Variants in RIMBP2 observed in about 807,000 individuals in gnomAD.
RIMBP2 encodes RIMS binding protein 2, also known as RIMS-binding protein 2.
Under a neutral mutation model 118.6 loss-of-function variants are expected in RIMBP2, and 48 were observed. That is an observed-to-expected ratio of 0.40 (90% confidence interval 0.32 to 0.51). The LOEUF (loss-of-function observed/expected upper bound fraction) is 0.51. Among genes scored for constraint, RIMBP2 ranks in the 20% least tolerant of loss-of-function variants. The pLI is 0.41. For missense variants in RIMBP2, 1,551 were observed against 1,768.3 expected (o/e 0.88, Z 2.20); for synonymous variants, 762 against 742.9 (o/e 1.03, Z -0.42).
At chr12:130,695,225 CTCT>C in intron 1 of RIMBP2, among the ~76,000 whole-genome samples, 1 of 152,286 alleles carries the variant, frequency 6.6e-6, no homozygotes, top group East Asian at 1.9e-4. Context: ...CGCAGGGCCC[CTCT>C]TCTTCTGAGC....
chr12:130,505,175 A>G (rs563652685), intron 4 of RIMBP2, among the ~76,000 whole-genome samples: 51 of 152,306 alleles, frequency 3.3e-4, no homozygotes, highest in African/African-American at 1.1e-3. Flanking sequence ...CTTAGAGCAC[A>G]CAGTGAGAAG....
chr12:130,508,130 C>T (rs1566166654), intron 3 of RIMBP2, among the ~76,000 whole-genome samples: 1 of 152,172 alleles, frequency 6.6e-6, no homozygotes, highest in South Asian at 2.1e-4. Context: ...ACCACCCTCA[C>T]TTCTGAACCT....
intron 2 of RIMBP2, among the ~76,000 whole-genome samples, chr12:130,531,638 C>T (rs915061398): frequency 9.9e-5 from 15 of 152,162 alleles, no homozygotes; most frequent in Non-Finnish European, 2.1e-4. Context: ...TTCTTGAGCA[C>T]GTTTTCTTGG....
In RIMBP2 at chr12:130,622,403, T is replaced by C. The variant is rs570289875; in HGVS notation, c.-217+5919A>G. Among the ~76,000 whole-genome samples, 13 of 152,122 alleles carry C rather than the reference T, an allele frequency of 8.5e-5. No individual in the cohort carries two copies. The South Asian group carries it at 2.7e-3, about 31-fold the overall frequency. On this transcript the variant is annotated intron_variant, in intron 2 of 22. Coordinates refer to ENST00000690449, the MANE Select transcript of RIMBP2 (RefSeq NM_001393629.1). The surrounding 1 kb of genome is among the most constrained non-coding windows in gnomAD (Gnocchi z 8.5). ...AAGGAAACTACATATAACACAAAAC[T>C]GTTGGTTAATTCACTAGTTATTTTG...
chr12:130,695,954 C>A (rs1446878913), intron 1 of RIMBP2, among the ~76,000 whole-genome samples: 1 of 151,822 alleles, frequency 6.6e-6, no homozygotes, highest in South Asian at 2.1e-4. Context: ...AAAATGAAGA[C>A]CCCTGGAGGA....
chr12:130,622,121 C>T lies in RIMBP2; in HGVS notation c.-217+6201G>A, dbSNP rs764520725. Among the ~76,000 whole-genome samples, 13 of 152,258 alleles carry T rather than the reference C, an allele frequency of 8.5e-5. No individual in the cohort carries two copies. Among genetic ancestry groups the T allele is most frequent in the Non-Finnish European group, 1.3e-4 (9 of 68,028 alleles). On this transcript the variant is annotated intron_variant, in intron 2 of 22. Transcript: ENST00000690449. The surrounding 1 kb of genome is among the most constrained non-coding windows in gnomAD (Gnocchi z 8.5). ...CATTTCCGCACAAATAAAATTAGGCCGAGACAGTTAGTCTTGGGGTCCTGA... is the reference window on the plus strand; with the variant it reads ...CATTTCCGCACAAATAAAATTAGGCTGAGACAGTTAGTCTTGGGGTCCTGA...
intron 4 of RIMBP2, among the ~76,000 whole-genome samples, chr12:130,479,242 T>C (rs1281511208): frequency 6.6e-6 from 1 of 152,232 alleles, no homozygotes; most frequent in Non-Finnish European, 1.5e-5. Flanking sequence ...CCACTTCTCC[T>C]CTGCAGGTTC....
intron 18 of RIMBP2, among the ~76,000 whole-genome samples, 169 bp from the exon 19 acceptor site, chr12:130,412,956 T>C (rs578089497): frequency 1.3e-5 from 2 of 152,322 alleles, no homozygotes; most frequent in South Asian, 2.1e-4. Context: ...GATGTGTACA[T>C]GTAACCCTCG....
chr12:130,617,848 C>T lies in RIMBP2; in HGVS notation c.-217+10474G>A, dbSNP rs1044740303. ...AATCATTGGAAAACTTTGATTGCATCAGCTGATTTTCAGATTGCCAGGTCT... is the reference window on the plus strand; with the variant it reads ...AATCATTGGAAAACTTTGATTGCATTAGCTGATTTTCAGATTGCCAGGTCT... On this transcript the variant is annotated intron_variant, in intron 2 of 22. Coordinates refer to ENST00000690449, the MANE Select transcript of RIMBP2 (RefSeq NM_001393629.1). The surrounding 1 kb of genome is among the most constrained non-coding windows in gnomAD (Gnocchi z 4.6). Among the ~76,000 whole-genome samples, 1 of 152,170 alleles carries T rather than the reference C, an allele frequency of 6.6e-6. No homozygotes were observed. The highest frequency in any genetic ancestry group is 2.4e-5 in the African/African-American group (1 of 41,520).
chr12:130,456,534 G>A lies in RIMBP2; in HGVS notation c.320C>T (p.Pro107Leu). 4.4e-6 allele frequency: 7 copies of A among 1,607,742 alleles called. No homozygotes were observed. The highest frequency in any genetic ancestry group is 2.7e-5 in the African/African-American group (2 of 74,962). The change falls in exon 7 of 23, where the codon CCA (proline) becomes CTA (leucine). Residue 107 changes from proline to leucine, a missense_variant. Transcript: ENST00000690449. ...DISTAPSKPF[P>L]QFMNGLATSL... ...GGTGGCTAGGCCATTCATGAACTGT[G>A]GGAAAGGCTTGCTGGGGGCCGTGGA...
chr12:130,529,606 A>C (rs2053166340), intron 2 of RIMBP2, among the ~76,000 whole-genome samples: 1 of 152,196 alleles, frequency 6.6e-6, no homozygotes, highest in Non-Finnish European at 1.5e-5. Flanking sequence ...TAAATGGTTA[A>C]TTTTATGTTA....
In RIMBP2 at chr12:130,475,753, A is replaced by C. The variant is rs80222275; in HGVS notation, c.102+3159T>G. 6.6e-6 allele frequency among the ~76,000 whole-genome samples: 1 copy of C among 152,118 alleles called. No homozygotes were observed. Among genetic ancestry groups the C allele is most frequent in the Non-Finnish European group, 1.5e-5 (1 of 68,036 alleles). ...CAGAGAAGTAAGACAACAAGCAAAC[A>C]AAAAAGGCAATTAACTCCAGGGAAA... On this transcript the variant is annotated intron_variant, in intron 5 of 22. Coordinates refer to ENST00000690449, the MANE Select transcript of RIMBP2 (RefSeq NM_001393629.1). This position sits in a 1 kb window ranked among gnomAD's most constrained non-coding sequence, Gnocchi z 4.1.
In RIMBP2 at chr12:130,424,256, C is replaced by T; in HGVS notation, c.3015G>A (p.Glu1005=). ...RPPPRKHGWG[E]PTEHQDFRGV... is the part of the protein sequence containing the mutation. ...CCCGAAAATCTTGGTGCTCGGTGGG[C>T]TCGCCCCAGCCGTGCTTCCTGGGGG... Residue 1005 remains glutamate (E), a synonymous_variant, in exon 16 of 23, where the codon GAG becomes GAA. Coordinates refer to ENST00000690449, the MANE Select transcript of RIMBP2 (RefSeq NM_001393629.1). The surrounding 1 kb of genome is among the most constrained non-coding windows in gnomAD (Gnocchi z 9.8). The T allele has an allele frequency of 3.2e-6, 4 of 1,231,868 alleles. No individual in the cohort carries two copies. Among genetic ancestry groups the T allele is most frequent in the Non-Finnish European group, 4.0e-6 (4 of 987,890 alleles). 76.3% of individuals were successfully genotyped at this position (1,231,868 alleles called of 1,614,324 possible). A position where few individuals can be genotyped will look rare whatever the true frequency, so the allele number is the denominator to read the frequency against.
rs865795961 is a variant in RIMBP2 at position 130,646,359 on chromosome 12, C to T, written c.-351-17903G>A. ...ACCACCTCCCTCACCACCTCCCTCA[C>T]CACCTCCCTCACCACCTCCCTCACC... On this transcript the variant is annotated intron_variant, in intron 1 of 22. Transcript: ENST00000690449. Among the ~76,000 whole-genome samples the T allele has an allele frequency of 2.9e-4, 32 of 111,410 alleles. 6 individuals are homozygous for T. Among genetic ancestry groups the T allele is most frequent in the South Asian group, 9.9e-4 (3 of 3,030 alleles). 73.1% of individuals were successfully genotyped at this position (111,410 alleles called of 152,430 possible).
chr12:130,438,147 C>A (rs1441014562), intron 12 of RIMBP2, among the ~76,000 whole-genome samples: 2 of 152,146 alleles, frequency 1.3e-5, no homozygotes, highest in Admixed American at 1.3e-4. Context: ...CAGAGCAGAG[C>A]AGGGCAGGGG....
At chr12:130,406,283 A>C (rs760589362) in intron 20 of RIMBP2, 40 bp from the exon 21 acceptor site, 1 of 1,352,822 alleles carries the variant, frequency 7.4e-7, no homozygotes, top group Non-Finnish European at 1.0e-6. Context: ...ATTTTTCTAC[A>C]CAACAGTAGT....
At chr12:130,437,792 G>A (rs1310816469) in intron 12 of RIMBP2, among the ~76,000 whole-genome samples, 3 of 152,206 alleles carry the variant, frequency 2.0e-5, no homozygotes, top group Non-Finnish European at 4.4e-5. Flanking sequence ...CACTGCCTCT[G>A]TTCCCAAGTC....
intron 1 of RIMBP2, among the ~76,000 whole-genome samples, chr12:130,686,401 C>T (rs1181514730): frequency 6.6e-6 from 1 of 152,252 alleles, no homozygotes; most frequent in Non-Finnish European, 1.5e-5. Context: ...AGCGCAGCAG[C>T]ACTGAGAAGC....
chr12:130,399,565 A>G (rs1169125639), intron 22 of RIMBP2, 114 bp downstream of exon 22: 1 of 1,225,446 alleles, frequency 8.2e-7, no homozygotes, highest in African/African-American at 1.5e-5. Context: ...AAAAAAATTC[A>G]GGGTGTATTT....
Sources: allele counts gnomAD v4.1 joint callset (sites outside exome capture counted in the v4.1 genomes callset), GRCh38; gene constraint gnomAD v4.1.1; non-coding constraint Gnocchi (gnomAD v3.1); transcripts MANE v1.5; gene names NCBI Gene and HGNC (gene_info 2026-07-23, HGNC 2026-07-21).